The following FRMD6 variants were observed in gnomAD, a reference collection of about 807,000 sequenced individuals.
FRMD6 encodes the protein FERM domain containing 6, also known as FERM domain-containing protein 6.
FRMD6 carries 37 observed loss-of-function variants against 73.2 expected under a neutral mutation model. That is an observed-to-expected ratio of 0.51 (90% CI 0.39 to 0.66). The LOEUF (loss-of-function observed/expected upper bound fraction) is 0.66. Among genes scored for constraint, FRMD6 ranks in the 30% least tolerant of loss-of-function variants. FRMD6 has a pLI of 0.00. For synonymous variants in FRMD6, 273 were observed against 282.2 expected, an observed-to-expected ratio of 0.97 and a Z score of 0.33; for missense variants, 714 against 780.5, an observed-to-expected ratio of 0.91 and a Z score of 1.02.
chr14:51,702,325 T>C (rs1218863009), intron 4 of FRMD6, among the ~76,000 whole-genome samples, 187 bp from the exon 5 acceptor site: 1 of 151,962 alleles, frequency 6.6e-6, no homozygotes. Flanking sequence ...ACTTCCTAAT[T>C]GTATATGAAC....
intron 1 of FRMD6, among the ~76,000 whole-genome samples, chr14:51,493,924 A>G (rs1450463040): frequency 1.3e-5 from 2 of 152,224 alleles, no homozygotes; most frequent in Non-Finnish European, 1.5e-5. Flanking sequence ...TCCAAGAACA[A>G]GGTGCCAGCT....
At chr14:51,717,122 A>G (rs1897282009) in intron 10 of FRMD6, 3 of 152,254 alleles carry the variant, frequency 2.0e-5, no homozygotes, top group African/African-American at 7.2e-5. Context: ...GGCGTTGTTC[A>G]TTGCCAACCA....
chr14:51,429,850 C>A, the FRMD6 span, among the ~76,000 whole-genome samples: 5 of 152,282 alleles, frequency 3.3e-5, no homozygotes, highest in South Asian at 8.3e-4. Flanking sequence ...TAGTAACTAT[C>A]AATGGGGAGA....
the FRMD6 span, among the ~76,000 whole-genome samples, chr14:51,417,734 C>G: frequency 1.3e-5 from 2 of 152,174 alleles, no homozygotes; most frequent in African/African-American, 4.8e-5. Context: ...TGGATAACAT[C>G]CTGAAGAGTG....
the FRMD6 span, chr14:51,436,096 CT>C: frequency 4.6e-6 from 1 of 215,086 alleles, no homozygotes; most frequent in Non-Finnish European, 9.1e-6. Flanking sequence ...AGACCACCTC[CT>C]GCCCTGAGAC....
At chr14:51,654,213 C>A (rs1010018506) in intron 1 of FRMD6, among the ~76,000 whole-genome samples, 4 of 149,062 alleles carry the variant, frequency 2.7e-5, no homozygotes, top group Non-Finnish European at 5.9e-5. Flanking sequence ...GATGAAGACG[C>A]TGCTTTTGAA....
intron 1 of FRMD6, among the ~76,000 whole-genome samples, chr14:51,654,127 A>G (rs1293097766): frequency 6.6e-6 from 1 of 152,156 alleles, no homozygotes; most frequent in Non-Finnish European, 1.5e-5. Context: ...TGCTAGTTTT[A>G]AGTACATAAT....
At chr14:51,568,892 C>T (rs1887931606) in intron 1 of FRMD6, among the ~76,000 whole-genome samples, 1 of 145,844 alleles carries the variant, frequency 6.9e-6, no homozygotes, top group Non-Finnish European at 1.5e-5. Flanking sequence ...GTTGCCCAAA[C>T]TGTAGTGCAA....
chr14:51,417,865 T>C, the FRMD6 span, among the ~76,000 whole-genome samples: 1 of 152,190 alleles, frequency 6.6e-6, no homozygotes, highest in Non-Finnish European at 1.5e-5. Context: ...TACTCTTTTT[T>C]CTCTAACCTT....
At chr14:51,547,131 T>C (rs1317881290) in intron 1 of FRMD6, among the ~76,000 whole-genome samples, 1 of 152,142 alleles carries the variant, frequency 6.6e-6, no homozygotes, top group Non-Finnish European at 1.5e-5. Flanking sequence ...ATTTAAAAAT[T>C]CCACAGTGTT....
chr14:51,475,893 T>C, the FRMD6 span, among the ~76,000 whole-genome samples: 1 of 152,012 alleles, frequency 6.6e-6, no homozygotes, highest in Non-Finnish European at 1.5e-5. Flanking sequence ...TAATTGTCGA[T>C]GGAATGGATT....
chr14:51,468,910 G>T, the FRMD6 span, among the ~76,000 whole-genome samples: 1 of 152,094 alleles, frequency 6.6e-6, no homozygotes, highest in Non-Finnish European at 1.5e-5. Flanking sequence ...TTAATATGGT[G>T]AATTACATTT....
chr14:51,555,147 G>A (rs888416646), intron 1 of FRMD6, among the ~76,000 whole-genome samples: 2 of 152,094 alleles, frequency 1.3e-5, no homozygotes, highest in African/African-American at 2.4e-5. Flanking sequence ...TTACCAAAGG[G>A]CCACCAGATG....
intron 1 of FRMD6, among the ~76,000 whole-genome samples, chr14:51,654,535 A>G (rs1892686606): frequency 6.6e-6 from 1 of 150,802 alleles, no homozygotes; most frequent in Non-Finnish European, 1.5e-5. Context: ...AATTCTTTGT[A>G]GTTTTCGATT....
At chr14:51,464,007 G>A in the FRMD6 span, among the ~76,000 whole-genome samples, 9,637 of 152,104 alleles carry the variant, frequency 0.063, 556 homozygotes, top group Admixed American at 0.19. Flanking sequence ...ACGGGGTTTC[G>A]CTATGTTGCC....
rs376318915 is a variant in FRMD6, at chr14:51,501,464, C to T, written c.-210+12044C>T. ...GCTCCCACTTGTAAGTGAGAACATG[C>T]GGTGTTTGGTTATCTATTTCTGTGT... is the stretch of plus-strand genomic sequence containing the variant. On this transcript the variant is annotated intron_variant, in intron 1 of 14. Coordinates refer to the FRMD6 transcript ENST00000356218. 4.5e-4 allele frequency among the ~76,000 whole-genome samples: 68 copies of T among 152,180 alleles called. 1 individual carries two copies. The highest frequency in any genetic ancestry group is 1.5e-3 in the African/African-American group (62 of 41,528).
rs534531696 is a variant in FRMD6, at chr14:51,720,387, G to T, written c.1357G>T (p.Asp453Tyr). 3 of 1,612,270 alleles carry T rather than the reference G, an allele frequency of 1.9e-6. No individual in the cohort carries two copies. Among genetic ancestry groups the T allele is most frequent in the African/African-American group, 1.3e-5 (1 of 75,000 alleles). Residue 453 changes from aspartate to tyrosine, a missense_variant, in exon 11 of 14, where the codon GAT becomes TAT. By Grantham distance (160) the Asp-to-Tyr change is radical. Coordinates refer to ENST00000344768, the MANE Select transcript of FRMD6 (RefSeq NM_001267046.2). ...CCGGCTGGAAGAGGACTTACAGGAC[G>T]ATGGTAACAGTACTGTCCCCTCACT... ...KDRLEEDLQD[D>Y]EIEMLVDDPR...
chr14:51,610,087 G>A (rs1890426074), intron 2 of FRMD6, among the ~76,000 whole-genome samples: 1 of 152,146 alleles, frequency 6.6e-6, no homozygotes, highest in African/African-American at 2.4e-5. Context: ...CTGCATTTGT[G>A]GTGGACAGTT....
chr14:51,411,294 CA>C, the FRMD6 span, among the ~76,000 whole-genome samples: 1 of 152,082 alleles, frequency 6.6e-6, no homozygotes, highest in African/African-American at 2.4e-5. Context: ...AGTCATGTAA[CA>C]ATGCAAGACT....
Sources: gnomAD v4.1 joint callset for allele counts (sites outside exome capture counted in the v4.1 genomes callset) on GRCh38, gnomAD v4.1.1 for gene constraint, MANE v1.5 for transcripts, NCBI Gene and HGNC (gene_info 2026-07-23, HGNC 2026-07-21) for gene names.